The following ARB2A variants were observed in gnomAD, a reference collection of about 807,000 sequenced individuals.
ARB2A encodes the protein ARB2 cotranscriptional regulator A, also known as cotranscriptional regulator ARB2A.
At chr5:93,741,368 C>G in the ARB2A span, 1 of 1,611,690 alleles carries the variant, frequency 6.2e-7, no homozygotes, top group Non-Finnish European at 8.5e-7. Context: ...GGCAGGGGAC[C>G]CAGGGGAATC....
At chr5:93,741,780 A>C in the ARB2A span, 1 of 503,726 alleles carries the variant, frequency 2.0e-6, no homozygotes. Flanking sequence ...TTTGCTTCCA[A>C]CTCCCATAGA....
At chr5:93,741,507 G>GC in the ARB2A span, 2 of 1,610,274 alleles carry the variant, frequency 1.2e-6, no homozygotes, top group Non-Finnish European at 8.5e-7. Flanking sequence ...CTCTGGGGCC[G>GC]CCCCCACCAC....
At chr5:93,876,353 G>A in the ARB2A span, among the ~76,000 whole-genome samples, 1 of 152,124 alleles carries the variant, frequency 6.6e-6, no homozygotes, top group Non-Finnish European at 1.5e-5. Flanking sequence ...AGTCTGACAT[G>A]ATGTGTATTG....
chr5:94,052,230 A>T, the ARB2A span, among the ~76,000 whole-genome samples: 4 of 152,180 alleles, frequency 2.6e-5, no homozygotes, highest in Admixed American at 6.5e-5. Flanking sequence ...CGGGGTAATC[A>T]GGAGAGAAAT....
At chr5:93,719,965 A>G in the ARB2A span, among the ~76,000 whole-genome samples, 2 of 152,178 alleles carry the variant, frequency 1.3e-5, no homozygotes. Context: ...CTTCAGCACC[A>G]AAAGAGATGT....
chr5:93,784,364 A>T, the ARB2A span: 1 of 1,572,326 alleles, frequency 6.4e-7, no homozygotes, highest in South Asian at 1.1e-5. Flanking sequence ...TCTCAGCACT[A>T]AAAAAAACCA....
the ARB2A span, among the ~76,000 whole-genome samples, chr5:93,747,604 T>G: frequency 6.6e-6 from 1 of 152,110 alleles, no homozygotes; most frequent in Non-Finnish European, 1.5e-5. Context: ...TCCAGTCACC[T>G]CACTATAATC....
the ARB2A span, among the ~76,000 whole-genome samples, chr5:93,948,545 T>C: frequency 6.6e-6 from 1 of 152,088 alleles, no homozygotes; most frequent in Non-Finnish European, 1.5e-5. Context: ...TGGCTTTTGT[T>C]GCCATTGCTT....
At chr5:94,081,143 C>T in the ARB2A span, among the ~76,000 whole-genome samples, 1 of 152,152 alleles carries the variant, frequency 6.6e-6, no homozygotes, top group Admixed American at 6.5e-5. Flanking sequence ...ATACCTAATG[C>T]ACAATAACTA....
chr5:93,847,588 G>A, the ARB2A span, among the ~76,000 whole-genome samples: 1 of 152,082 alleles, frequency 6.6e-6, no homozygotes, highest in Non-Finnish European at 1.5e-5. Context: ...AAATTAAGGG[G>A]AGGGACTATA....
chr5:93,693,933 A>G, the ARB2A span, among the ~76,000 whole-genome samples: 5 of 151,990 alleles, frequency 3.3e-5, no homozygotes, highest in Admixed American at 2.0e-4. Context: ...AGAACCAATG[A>G]AAAAAAACCA....
chr5:94,067,690 T>C, the ARB2A span, among the ~76,000 whole-genome samples: 1 of 152,190 alleles, frequency 6.6e-6, no homozygotes, highest in East Asian at 1.9e-4. Flanking sequence ...CACAGACAAA[T>C]GGAAAGACAT....
chr5:93,669,790 T>C, the ARB2A span, among the ~76,000 whole-genome samples: 1 of 152,178 alleles, frequency 6.6e-6, no homozygotes, highest in Non-Finnish European at 1.5e-5. Context: ...GTTAGACCCT[T>C]ACATTCTAGT....
At chr5:93,978,477 C>T in the ARB2A span, among the ~76,000 whole-genome samples, 1 of 152,088 alleles carries the variant, frequency 6.6e-6, no homozygotes, top group African/African-American at 2.4e-5. Flanking sequence ...ACCATGGATG[C>T]AGCTGAAGAC....
the ARB2A span, among the ~76,000 whole-genome samples, chr5:93,783,254 G>T: frequency 6.6e-6 from 1 of 152,042 alleles, no homozygotes; most frequent in East Asian, 1.9e-4. Flanking sequence ...TTTCTATATG[G>T]TCATCAAACA....
chr5:94,059,181 A>G, the ARB2A span, among the ~76,000 whole-genome samples: 6 of 117,940 alleles, frequency 5.1e-5, no homozygotes, highest in Non-Finnish European at 9.9e-5. Flanking sequence ...GAACTGAGGG[A>G]AAAAAAAAAA....
the ARB2A span, among the ~76,000 whole-genome samples, chr5:93,767,671 C>T: frequency 6.6e-6 from 1 of 151,846 alleles, no homozygotes; most frequent in African/African-American, 2.4e-5. Flanking sequence ...TATATATATA[C>T]ATACAATGGA....
At chr5:94,037,903 T>A in the ARB2A span, among the ~76,000 whole-genome samples, 1 of 152,154 alleles carries the variant, frequency 6.6e-6, no homozygotes. Flanking sequence ...TTTTCCATTA[T>A]TTTAGAAAAC....
At chr5:93,977,249 A>C in the ARB2A span, among the ~76,000 whole-genome samples, 1 of 152,276 alleles carries the variant, frequency 6.6e-6, no homozygotes. Context: ...AGAAAAAGCT[A>C]TTCTAAAATT....
Sources: gnomAD v4.1 joint callset for allele counts (sites outside exome capture counted in the v4.1 genomes callset) on GRCh38, gnomAD v4.1.1 for gene constraint, MANE v1.5 for transcripts, NCBI Gene and HGNC (gene_info 2026-07-23, HGNC 2026-07-21) for gene names.